The following MEF2C variants were observed in gnomAD, a reference collection of about 807,000 sequenced individuals.
MEF2C encodes the protein myocyte enhancer factor 2C.
MEF2C carries 6 observed loss-of-function variants against 50.5 expected under a neutral mutation model. That is an observed-to-expected ratio of 0.12 (90% confidence interval 0.07 to 0.23). The LOEUF (loss-of-function observed/expected upper bound fraction) is 0.23. Ranked by LOEUF, MEF2C falls within the 10% of genes least tolerant of loss-of-function variation. MEF2C has a pLI of 1.00. For synonymous variants in MEF2C, 183 were observed against 228.0 expected (o/e 0.80, Z 1.78); for missense variants, 276 against 605.0 (o/e 0.46, Z 5.70).
At chr5:88,808,770 G>C (rs930774466) in intron 2 of MEF2C, among the ~76,000 whole-genome samples, 6 of 152,068 alleles carry the variant, frequency 3.9e-5, no homozygotes, top group Non-Finnish European at 5.9e-5. Context: ...AAGAGATCTG[G>C]AATATAACTC....
At chr5:88,879,969 A>C (rs977924606) in intron 1 of MEF2C, among the ~76,000 whole-genome samples, 2 of 151,854 alleles carry the variant, frequency 1.3e-5, no homozygotes, top group African/African-American at 4.8e-5. Flanking sequence ...TGGTTTTGTG[A>C]ATCACCTCTG....
At chr5:88,850,047 T>C (rs564882107) in intron 1 of MEF2C, among the ~76,000 whole-genome samples, 81 of 152,270 alleles carry the variant, frequency 5.3e-4, no homozygotes, top group Non-Finnish European at 9.0e-4. Flanking sequence ...TAACTCGTCA[T>C]TTAACATTAG....
intron 6 of MEF2C, chr5:88,733,471 T>C (rs1451288676): frequency 1.0e-6 from 1 of 985,192 alleles, no homozygotes; most frequent in African/African-American, 1.7e-5. Flanking sequence ...TCTACTGGCA[T>C]TGGTATACTC....
intron 5 of MEF2C, 145 bp downstream of exon 5, chr5:88,751,712 G>C: frequency 9.4e-7 from 1 of 1,067,918 alleles, no homozygotes; most frequent in Non-Finnish European, 1.3e-6. Flanking sequence ...TATCATGCAG[G>C]AGACCTAGCT....
At chr5:88,730,357 C>CTGTTTAAA in intron 7 of MEF2C, 123 bp from the exon 8 acceptor site, 1 of 1,047,094 alleles carries the variant, frequency 9.6e-7, no homozygotes, top group Non-Finnish European at 1.4e-6. Flanking sequence ...AGTTTTAAAA[C>CTGTTTAAA]CCAGACTCCA....
At chr5:88,762,512 C>T (rs1778314752) in intron 3 of MEF2C, among the ~76,000 whole-genome samples, 1 of 152,164 alleles carries the variant, frequency 6.6e-6, no homozygotes, top group African/African-American at 2.4e-5. Context: ...ATGTGATCTG[C>T]CTGCCTCAGC....
intron 3 of MEF2C, among the ~76,000 whole-genome samples, chr5:88,801,098 A>T (rs1798132526): frequency 6.6e-6 from 1 of 152,134 alleles, no homozygotes; most frequent in South Asian, 2.1e-4. Context: ...CTACTCTGGT[A>T]TGGCCCAGAA....
intron 5 of MEF2C, chr5:88,751,359 T>C (rs1431794366): frequency 2.0e-6 from 2 of 985,348 alleles, no homozygotes; most frequent in Admixed American, 6.1e-5. Context: ...CAAATGATGC[T>C]ATCTTATCAT....
At chr5:88,766,648 C>T in intron 3 of MEF2C, 1 of 985,226 alleles carries the variant, frequency 1.0e-6, no homozygotes, top group Non-Finnish European at 1.2e-6. Flanking sequence ...CTGTGCCTGC[C>T]CATTCTACAT....
chr5:88,834,371 T>C (rs1814234841), intron 1 of MEF2C, among the ~76,000 whole-genome samples: 1 of 152,160 alleles, frequency 6.6e-6, no homozygotes, highest in Non-Finnish European at 1.5e-5. Flanking sequence ...GCCAAAATCA[T>C]GATGCTTAAT....
chr5:88,791,483 T>C (rs1793720992), intron 3 of MEF2C, among the ~76,000 whole-genome samples: 1 of 152,164 alleles, frequency 6.6e-6, no homozygotes, highest in South Asian at 2.1e-4. Flanking sequence ...ATACTAATGC[T>C]TGCAAACTAT....
intron 10 of MEF2C, among the ~76,000 whole-genome samples, chr5:88,728,067 C>G (rs1275033310): frequency 2.0e-5 from 3 of 151,650 alleles, no homozygotes; most frequent in Non-Finnish European, 4.4e-5. Flanking sequence ...ATACATGAAG[C>G]CTGTGTATCA....
intron 2 of MEF2C, among the ~76,000 whole-genome samples, chr5:88,820,063 AATTATTTGTAATTAT>A (rs1807502546): frequency 7.9e-6 from 1 of 126,798 alleles, no homozygotes; most frequent in Non-Finnish European, 1.6e-5. Flanking sequence ...TATTAATAAA[AATTATTTGTAATTAT>A]ATATATATAT....
intron 3 of MEF2C, among the ~76,000 whole-genome samples, chr5:88,796,552 G>A (rs1289734952): frequency 6.6e-6 from 1 of 152,008 alleles, no homozygotes; most frequent in Non-Finnish European, 1.5e-5. Context: ...CTGGCTAGCA[G>A]TCTATTTTGT....
In MEF2C at chr5:88,734,588, T is replaced by G. The variant is rs1311939209; in HGVS notation, c.638-2687A>C. 190 of 974,074 alleles carry G rather than the reference T, an allele frequency of 2.0e-4. 1 individual carries two copies. In the East Asian group the frequency reaches 4.5e-3, roughly 23 times the overall value. 60.3% of individuals were successfully genotyped at this position (974,074 alleles called of 1,614,324 possible). A position where few individuals can be genotyped will look rare whatever the true frequency, so the allele number is the denominator to read the frequency against. On this transcript the variant is annotated intron_variant, in intron 6 of 10. Transcript: ENST00000504921. ...TTGTTTTTTTTTTTTTTTTTTTTTT[T>G]TTTTTTTTTTAGCATTTTCTACAGT...
At chr5:88,903,621 C>T (rs1230214116) in intron 1 of MEF2C, among the ~76,000 whole-genome samples, 7 of 151,842 alleles carry the variant, frequency 4.6e-5, no homozygotes, top group East Asian at 1.9e-4. Flanking sequence ...TGTGTTAAAT[C>T]GTGTAATATT....
chr5:88,828,528 C>G (rs898905005), intron 1 of MEF2C, among the ~76,000 whole-genome samples: 2 of 151,944 alleles, frequency 1.3e-5, no homozygotes, highest in Admixed American at 1.3e-4. Context: ...TCACACAACA[C>G]TAAATAATAC....
At chr5:88,855,043 G>C (rs1404169352) in intron 1 of MEF2C, among the ~76,000 whole-genome samples, 1 of 152,170 alleles carries the variant, frequency 6.6e-6, no homozygotes, top group African/African-American at 2.4e-5. Context: ...AGACAAGCAT[G>C]GCAGGAGGTA....
chr5:88,818,889 A>G (rs998390314), intron 2 of MEF2C, among the ~76,000 whole-genome samples: 1 of 152,044 alleles, frequency 6.6e-6, no homozygotes, highest in African/African-American at 2.4e-5. Context: ...CACATTAACT[A>G]TAATAGCTAA....
Sources: gnomAD v4.1 joint callset for allele counts (sites outside exome capture counted in the v4.1 genomes callset) on GRCh38, gnomAD v4.1.1 for gene constraint, MANE v1.5 for transcripts, NCBI Gene and HGNC (gene_info 2026-07-23, HGNC 2026-07-21) for gene names.